UNC79: variants seen among roughly 807,000 people sequenced by gnomAD.
UNC79 encodes the protein unc-79 subunit of NALCN channel complex.
Under a neutral mutation model 283.1 loss-of-function variants are expected in UNC79, and 37 were observed. That is an observed-to-expected ratio of 0.13 (90% CI 0.10 to 0.17). The LOEUF (loss-of-function observed/expected upper bound fraction) is 0.17. Among genes scored for constraint, UNC79 ranks in the 10% least tolerant of loss-of-function variants. UNC79 has a pLI of 1.00. For synonymous variants in UNC79, 1,107 were observed against 1,200.2 expected (o/e 0.92, Z 1.61); for missense variants, 2,272 against 3,211.1 (o/e 0.71, Z 7.07).
intron 1 of UNC79, among the ~76,000 whole-genome samples, chr14:93,361,620 A>G (rs1245126573): frequency 6.6e-6 from 1 of 151,274 alleles, no homozygotes; most frequent in Non-Finnish European, 1.5e-5. Flanking sequence ...TTTTCTAGAT[A>G]TAGGATCATA....
At position 93,690,593 on chromosome 14, in the gene UNC79, A is replaced by G. The variant is rs8017206; in HGVS notation, c.7272+290A>G. 1.9e-3 allele frequency: 645 copies of G among 337,776 alleles called. 5 individuals carry two copies. Among genetic ancestry groups the G allele is most frequent in the African/African-American group, 0.013 (604 of 47,474 alleles). 20.9% of individuals were successfully genotyped at this position (337,776 alleles called of 1,614,324 possible). On this transcript the variant is annotated intron_variant, in intron 45 of 48. Coordinates refer to ENST00000555664, the Ensembl canonical transcript of UNC79. This position sits in a 1 kb window ranked among gnomAD's most constrained non-coding sequence, Gnocchi z 4.3. ...CTGTCTCAAAATAATGAAGAGAAAT[A>G]AAAGGCTAGAAATATAATCAAAATT...
At chr14:93,597,533 C>T (rs761225242) in exon 24 of UNC79, 1 of 1,611,596 alleles carries the variant, frequency 6.2e-7, no homozygotes, top group Non-Finnish European at 8.5e-7. Flanking sequence ...AAGAGGCCAG[C>T]ATTGCAGGTG....
chr14:93,541,788 G>T (rs895703756), intron 13 of UNC79, among the ~76,000 whole-genome samples: 2 of 152,058 alleles, frequency 1.3e-5, no homozygotes, highest in African/African-American at 2.4e-5. Flanking sequence ...GGCAGATCAC[G>T]AGGTCGGGAG....
chr14:93,376,733 G>T lies in UNC79; in HGVS notation c.-351+43210G>T, dbSNP rs531713704. Among the ~76,000 whole-genome samples, 14 of 151,984 alleles carry T rather than the reference G, an allele frequency of 9.2e-5. No individual in the cohort carries two copies. In the South Asian group the frequency reaches 2.9e-3, roughly 31 times the overall value. On this transcript the variant is annotated intron_variant, in intron 1 of 49. Transcript: ENST00000256339. ...TGTTTGGGTATAGTGTGATAAATTC[G>T]GTTTTTGTGATTGGCTGAATCTCAG...
upstream of UNC79, among the ~76,000 whole-genome samples, chr14:93,426,601 A>C (rs936209423): frequency 3.3e-5 from 5 of 151,824 alleles, no homozygotes; most frequent in East Asian, 1.9e-4. Context: ...ACAGTGATTT[A>C]TCTTTAAGCT....
intron 7 of UNC79, among the ~76,000 whole-genome samples, chr14:93,504,823 C>T (rs914652591): frequency 7.9e-5 from 12 of 152,002 alleles, no homozygotes; most frequent in African/African-American, 2.7e-4. Flanking sequence ...ATATCTCTTT[C>T]TCAATCCATA....
At chr14:93,684,126 C>T (rs1178219524) in intron 42 of UNC79, among the ~76,000 whole-genome samples, 1 of 152,208 alleles carries the variant, frequency 6.6e-6, no homozygotes, top group African/African-American at 2.4e-5. Flanking sequence ...AGGGACTCCG[C>T]TGCTCCGTAA....
At chr14:93,431,516 G>A (rs377411340) in intron 1 of UNC79, among the ~76,000 whole-genome samples, 4 of 152,156 alleles carry the variant, frequency 2.6e-5, no homozygotes, top group African/African-American at 9.6e-5. Flanking sequence ...TGAGTCTGCA[G>A]TTTCCACTTC....
intron 41 of UNC79, among the ~76,000 whole-genome samples, chr14:93,680,552 GTTGT>G (rs1456272449): frequency 1.3e-5 from 2 of 152,254 alleles, no homozygotes; most frequent in African/African-American, 2.4e-5. Context: ...TCAATTATAA[GTTGT>G]TTGTCTTAGA....
chr14:93,398,444 C>T (rs1320930012), intron 1 of UNC79, among the ~76,000 whole-genome samples: 1 of 152,142 alleles, frequency 6.6e-6, no homozygotes, highest in Non-Finnish European at 1.5e-5. Context: ...AAACAGAAGA[C>T]TATATAGAGG....
intron 1 of UNC79, among the ~76,000 whole-genome samples, chr14:93,448,565 A>C (rs1485810822): frequency 1.3e-5 from 2 of 152,046 alleles, no homozygotes; most frequent in African/African-American, 4.8e-5. Flanking sequence ...GGTTCTTCTT[A>C]TGTTGGGTCA....
chr14:93,579,476 T>C (rs1345792182), intron 18 of UNC79, among the ~76,000 whole-genome samples: 1 of 152,222 alleles, frequency 6.6e-6, no homozygotes, highest in Non-Finnish European at 1.5e-5. Context: ...GAATACTTTC[T>C]CCTTCTTTCC....
chr14:93,455,144 C>T (rs2056759548), intron 1 of UNC79, among the ~76,000 whole-genome samples: 1 of 152,190 alleles, frequency 6.6e-6, no homozygotes, highest in South Asian at 2.1e-4. Context: ...CCATTTGTGA[C>T]ATTTGACATC....
intron 47 of UNC79, among the ~76,000 whole-genome samples, chr14:93,697,155 A>G (rs1018240647): frequency 6.6e-6 from 1 of 151,608 alleles, no homozygotes; most frequent in Admixed American, 6.6e-5. Flanking sequence ...TTTTTTCCTG[A>G]GACAGAGTCT....
chr14:93,476,654 T>C (rs990982143), intron 3 of UNC79, among the ~76,000 whole-genome samples: 1 of 152,196 alleles, frequency 6.6e-6, no homozygotes, highest in Non-Finnish European at 1.5e-5. Context: ...TTTTCTGTTA[T>C]AATGAATACA....
chr14:93,669,947 G>A (rs1476113210), intron 40 of UNC79, among the ~76,000 whole-genome samples: 1 of 152,204 alleles, frequency 6.6e-6, no homozygotes, highest in South Asian at 2.1e-4. Context: ...AAGACACAAT[G>A]AGTGAAAATG....
chr14:93,667,362 G>C (rs530018379), intron 40 of UNC79, among the ~76,000 whole-genome samples: 258 of 152,270 alleles, frequency 1.7e-3, no homozygotes, highest in Non-Finnish European at 2.5e-3. Flanking sequence ...AAGAAAACCA[G>C]ATAAAACACA....
In UNC79 at chr14:93,524,158, C is replaced by T. The variant is rs1409160740; in HGVS notation, c.963+116C>T. The stretch of plus-strand genomic sequence containing the variant: ...CAGAGGCATGTCCTCTGTAGTAATT[C>T]GAAGTACCTCCATATTCAATCTGAT... On this transcript the variant is annotated intron_variant, in intron 8 of 48. Transcript: ENST00000555664. The T allele has an allele frequency of 3.1e-5, 34 of 1,089,410 alleles. No homozygotes were observed. The South Asian group carries it at 4.0e-4, about 13-fold the overall frequency. The allele number at this position is 1,089,410 out of a possible 1,614,324, so 67.5% of individuals were successfully genotyped here. A position where few individuals can be genotyped will look rare whatever the true frequency, so the allele number is the denominator to read the frequency against.
intron 25 of UNC79, 59 bp from the exon 26 acceptor site, chr14:93,603,180 G>A (rs545482857): frequency 6.4e-7 from 1 of 1,567,038 alleles, no homozygotes; most frequent in South Asian, 1.2e-5. Flanking sequence ...TTTAGACTAG[G>A]TGGATTACAA....
Sources: gnomAD v4.1 joint callset for allele counts (sites outside exome capture counted in the v4.1 genomes callset) on GRCh38, gnomAD v4.1.1 for gene constraint, Gnocchi (gnomAD v3.1) non-coding constraint, MANE v1.5 for transcripts, NCBI Gene and HGNC (gene_info 2026-07-23, HGNC 2026-07-21) for gene names.